Variants in NMI observed in about 807,000 individuals in gnomAD.
NMI encodes the protein N-myc and STAT interactor.
NMI carries 39 observed loss-of-function variants against 34.3 expected under a neutral mutation model. The ratio of observed to expected loss-of-function variants is 1.14; its 90% CI spans 0.88 to 1.49. NMI has a LOEUF of 1.49. NMI is among the 40% of genes most tolerant of loss of function. The pLI is 0.00. For synonymous variants in NMI, 113 were observed against 120.3 expected, an observed-to-expected ratio of 0.94 and a Z score of 0.40; for missense variants, 339 against 358.1, an observed-to-expected ratio of 0.95 and a Z score of 0.43.
chr2:151,275,866 T>A lies in NMI; in HGVS notation c.341-2A>T. On this transcript the variant is annotated splice_acceptor_variant, in intron 4 of 7. Coordinates refer to ENST00000243346, the MANE Select transcript of NMI (RefSeq NM_004688.3). LOFTEE classifies it high-confidence loss of function. The stretch of plus-strand genomic sequence containing the variant: ...TCATGCTTACCACATTTTGAGCAAC[T>A]GAAAAATAATTCAGGAAGGAAGTAT... 1 of 1,537,976 alleles carries A rather than the reference T, an allele frequency of 6.5e-7. No homozygotes were observed.
chr2:151,279,344 C>T (rs289830), intron 3 of NMI, among the ~76,000 whole-genome samples: 1 of 151,982 alleles, frequency 6.6e-6, no homozygotes, highest in African/African-American at 2.4e-5. Context: ...AATAGACTAT[C>T]TCAAAAGGAA....
At chr2:151,287,302 A>ATC (rs4038670) in intron 1 of NMI, among the ~76,000 whole-genome samples, 36 of 143,820 alleles carry the variant, frequency 2.5e-4, no homozygotes, top group East Asian at 1.2e-3. Flanking sequence ...TTTAAACCAC[A>ATC]TCTCTCTCTC....
intron 1 of NMI, among the ~76,000 whole-genome samples, chr2:151,287,777 T>C (rs531618745): frequency 6.6e-6 from 1 of 152,190 alleles, no homozygotes; most frequent in Non-Finnish European, 1.5e-5. Context: ...CCTGCAGACA[T>C]TCAGAGCACT....
chr2:151,283,736 C>T (rs1683448090), intron 1 of NMI, among the ~76,000 whole-genome samples: 1 of 152,190 alleles, frequency 6.6e-6, no homozygotes, highest in Admixed American at 6.5e-5. Context: ...CTTTCACTAA[C>T]TCTCCTGCTG....
At position 151,286,191 on chromosome 2, in the gene NMI, C is replaced by T. The variant is rs1010948016; in HGVS notation, c.-6-3237G>A. On this transcript the variant is annotated intron_variant, in intron 1 of 7. Coordinates refer to ENST00000243346, the MANE Select transcript of NMI (RefSeq NM_004688.3). ...TAAATCAAAATAATGTAACATATTA[C>T]AAGGTGCACTGAGAACACAATGTAA... Among the ~76,000 whole-genome samples, 10 of 152,152 alleles carry T rather than the reference C, an allele frequency of 6.6e-5. No homozygotes were observed. In the South Asian group the frequency reaches 1.7e-3, roughly 25 times the overall value.
intron 1 of NMI, among the ~76,000 whole-genome samples, chr2:151,286,882 A>G (rs1268224709): frequency 3.9e-5 from 6 of 152,192 alleles, no homozygotes; most frequent in Admixed American, 3.9e-4. Context: ...GTGCAGTATC[A>G]TCACTATGTG....
chr2:151,274,140 C>T (rs1270574598), intron 6 of NMI, among the ~76,000 whole-genome samples: 4 of 151,274 alleles, frequency 2.6e-5, no homozygotes, highest in Non-Finnish European at 4.4e-5. Context: ...GTCAGGAGTT[C>T]GAGACCAACC....
intron 1 of NMI, among the ~76,000 whole-genome samples, chr2:151,283,926 A>C (rs139433345): frequency 6.6e-6 from 1 of 152,386 alleles, no homozygotes; most frequent in East Asian, 1.9e-4. Flanking sequence ...AGATATGCTA[A>C]AATAGTTTGT....
At chr2:151,282,812 G>C in intron 2 of NMI, 56 bp downstream of exon 2, 1 of 952,870 alleles carries the variant, frequency 1.0e-6, no homozygotes, top group South Asian at 1.7e-5. Flanking sequence ...ATGCCTTACT[G>C]CAAAACTAAT....
At chr2:151,275,979 T>C (rs1683288384) in intron 4 of NMI, 115 bp from the exon 5 acceptor site, 1 of 716,706 alleles carries the variant, frequency 1.4e-6, no homozygotes, top group African/African-American at 1.8e-5. Flanking sequence ...TATTAAAGGG[T>C]CTAATTTTAA....
In NMI at chr2:151,278,967, T is replaced by C; in HGVS notation, c.201A>G (p.Thr67=). ...EFQIKEDIPE[T]KMKFLSVETP... Reference sequence around the variant, plus strand: ...TTTCAACTGATAAGAATTTCATCTTTGTTTCAGGAATATCCTCTTTAATCT... The same window carrying C: ...TTTCAACTGATAAGAATTTCATCTTCGTTTCAGGAATATCCTCTTTAATCT... The change falls in exon 4 of 8, where the codon ACA becomes ACG. Residue 67 remains threonine (T), a synonymous_variant. Transcript: ENST00000243346. 1 of 1,608,052 alleles carries C rather than the reference T, an allele frequency of 6.2e-7. No individual in the cohort carries two copies. The highest frequency in any genetic ancestry group is 8.5e-7 in the Non-Finnish European group (1 of 1,175,260).
chr2:151,279,741 G>A (rs997170692), intron 3 of NMI, among the ~76,000 whole-genome samples: 2 of 152,024 alleles, frequency 1.3e-5, no homozygotes, highest in East Asian at 1.9e-4. Flanking sequence ...CTCCCAAAGC[G>A]CTGGGATTAC....
chr2:151,279,755 C>G (rs1028126655), intron 3 of NMI, among the ~76,000 whole-genome samples: 1 of 152,132 alleles, frequency 6.6e-6, no homozygotes, highest in Admixed American at 6.5e-5. Flanking sequence ...GGATTACAGG[C>G]GTGAGCCACC....
Position 151,275,504 on chromosome 2 carries a change from A to T in NMI, c.614T>A (p.Ile205Asn). Residue 205 changes from isoleucine (I) to asparagine (N), a missense_variant, in exon 6 of 8, where the codon ATC becomes AAC. Physicochemically the swap from Ile to Asn is moderately radical, Grantham distance 149. Transcript: ENST00000243346. ...AGTACCTCCAATCTCCACAAACGTG[A>T]TGACTGCACTCCCGGACTGTCTGTC... Reference protein sequence around the residue: ...DYDRQSGSAVITFVEIGVADK... With the variant: ...DYDRQSGSAVNTFVEIGVADK... The T allele has an allele frequency of 6.2e-7, 1 of 1,613,982 alleles. No individual in the cohort carries two copies. Among genetic ancestry groups the T allele is most frequent in the East Asian group, 2.2e-5 (1 of 44,890 alleles).
At chr2:151,278,760 G>T in intron 4 of NMI, 68 bp downstream of exon 4, 1 of 1,186,378 alleles carries the variant, frequency 8.4e-7, no homozygotes, top group Non-Finnish European at 1.2e-6. Context: ...TATTAGCGAA[G>T]TAATAGCTAA....
At chr2:151,280,410 T>C (rs977899655) in intron 3 of NMI, among the ~76,000 whole-genome samples, 1 of 152,226 alleles carries the variant, frequency 6.6e-6, no homozygotes, top group African/African-American at 2.4e-5. Flanking sequence ...ATTTATTCTT[T>C]GCCTTTATGC....
intron 6 of NMI, among the ~76,000 whole-genome samples, chr2:151,272,490 T>A (rs538187986): frequency 1.1e-4 from 16 of 152,296 alleles, no homozygotes; most frequent in African/African-American, 3.6e-4. Flanking sequence ...TGTAAAATGG[T>A]ACAGCCACTG....
At position 151,278,455 on chromosome 2, in the gene NMI, C is replaced by A. The variant is rs188434819; in HGVS notation, c.340+373G>T. ...TACACAATAATAACTATCCTATCCT[C>A]CTATATTTATGGAATTGTGTGAGTA... On this transcript the variant is annotated intron_variant, in intron 4 of 7. Coordinates refer to ENST00000243346, the MANE Select transcript of NMI (RefSeq NM_004688.3). 18 of 179,586 alleles carry A rather than the reference C, an allele frequency of 1.0e-4. No individual in the cohort carries two copies. In the East Asian group the frequency reaches 1.2e-3, roughly 12 times the overall value. 11.1% of individuals were successfully genotyped at this position (179,586 alleles called of 1,614,324 possible).
intron 2 of NMI, 46 bp downstream of exon 2, chr2:151,282,822 T>C (rs1009991003): frequency 5.0e-6 from 5 of 1,002,158 alleles, no homozygotes; most frequent in Non-Finnish European, 7.3e-6. Context: ...GCAAAACTAA[T>C]AGATATAAAA....
Sources: gnomAD v4.1 joint callset for allele counts (sites outside exome capture counted in the v4.1 genomes callset) on GRCh38, gnomAD v4.1.1 for gene constraint, MANE v1.5 for transcripts, NCBI Gene and HGNC (gene_info 2026-07-23, HGNC 2026-07-21) for gene names.